The following NAV3 variants were observed in gnomAD, a reference collection of about 807,000 sequenced individuals.
The protein encoded by NAV3 is pore membrane and/or filament interacting like protein 1.
NAV3 carries 87 observed loss-of-function variants against 244.7 expected under a neutral mutation model. The ratio of observed to expected loss-of-function variants is 0.36; its 90% CI spans 0.30 to 0.42. The LOEUF (loss-of-function observed/expected upper bound fraction) is 0.42, where lower values mean the gene tolerates loss of function less well. NAV3 is among the 20% of genes least tolerant of loss of function. The probability of loss-of-function intolerance (pLI) is 1.00; values close to 1 mark genes in which losing one functional copy is unlikely to be tolerated. For synonymous variants in NAV3, 1,126 were observed against 1,042.2 expected, an observed-to-expected ratio of 1.08 and a Z score of -1.55; for missense variants, 2,663 against 2,893.3, an observed-to-expected ratio of 0.92 and a Z score of 1.83.
At chr12:77,573,797 C>A (rs531723845) in intron 2 of NAV3, among the ~76,000 whole-genome samples, 1 of 152,264 alleles carries the variant, frequency 6.6e-6, no homozygotes, top group South Asian at 2.1e-4. Flanking sequence ...GATGGAGATG[C>A]TGCTTTTATG....
chr12:77,627,659 C>A (rs1592518277), intron 2 of NAV3, among the ~76,000 whole-genome samples: 4 of 152,198 alleles, frequency 2.6e-5, no homozygotes, highest in Admixed American at 2.6e-4. Flanking sequence ...AAATATGATC[C>A]AGCAATTCCA....
chr12:77,998,665 A>G (rs755324163), intron 7 of NAV3, among the ~76,000 whole-genome samples, 189 bp downstream of exon 7: 5 of 152,120 alleles, frequency 3.3e-5, no homozygotes, highest in Non-Finnish European at 5.9e-5. Context: ...AAACAAATAA[A>G]CTCATTCATT....
intron 8 of NAV3, among the ~76,000 whole-genome samples, chr12:78,020,561 T>G (rs975288069): frequency 1.3e-5 from 2 of 152,152 alleles, no homozygotes; most frequent in Non-Finnish European, 2.9e-5. Context: ...AATTCACATA[T>G]ATAACACATA....
At chr12:78,153,783 C>T (rs1957166729) in intron 22 of NAV3, among the ~76,000 whole-genome samples, 1 of 151,934 alleles carries the variant, frequency 6.6e-6, no homozygotes, top group Admixed American at 6.6e-5. Context: ...TTGTGTTCTA[C>T]TTCTTTGCTT....
intron 5 of NAV3, among the ~76,000 whole-genome samples, chr12:77,985,527 C>T (rs975152235): frequency 6.6e-6 from 1 of 151,894 alleles, no homozygotes; most frequent in African/African-American, 2.4e-5. Context: ...GGATTAGTCA[C>T]TTCTGAATAT....
In NAV3 at chr12:78,160,985, T is replaced by C. The variant is rs538950192; in HGVS notation, c.4869+1699T>C. Among the ~76,000 whole-genome samples the C allele has an allele frequency of 3.7e-4, 56 of 152,038 alleles. No homozygotes were observed. The South Asian group carries it at 0.011, about 31-fold the overall frequency. On this transcript the variant is annotated intron_variant, in intron 23 of 39. Coordinates refer to ENST00000397909, the MANE Select transcript of NAV3 (RefSeq NM_001024383.2). ...CCCCTCTGTCTCCCTCTCTTTCTTT[T>C]TTGCTGCAGCTTGTCACTTCACTAT...
chr12:77,681,166 A>C (rs146373070), intron 2 of NAV3, among the ~76,000 whole-genome samples: 39 of 152,274 alleles, frequency 2.6e-4, no homozygotes, highest in African/African-American at 9.4e-4. Flanking sequence ...AATTTTGAAA[A>C]GATTTCAGTC....
intron 1 of NAV3, among the ~76,000 whole-genome samples, chr12:77,859,119 C>A (rs1878823814): frequency 6.6e-6 from 1 of 152,012 alleles, no homozygotes; most frequent in Non-Finnish European, 1.5e-5. Context: ...GTCAGCCCAG[C>A]AAAGAATGAG....
rs2139851449 is a variant in NAV3, at chr12:78,188,648, C to T, written c.5926C>T (p.Leu1976=). The T allele has an allele frequency of 1.2e-6, 2 of 1,612,044 alleles. No homozygotes were observed. The highest frequency in any genetic ancestry group is 1.7e-6 in the Non-Finnish European group (2 of 1,178,850). ...FRIDTSTSLG[L]SSDCIASYCI... Reference sequence around the variant, plus strand: ...AATTGATACATCCACTAGCCTTGGTCTGAGCTCTGACTGCATTGCTAGCTA... The same window carrying T: ...AATTGATACATCCACTAGCCTTGGTTTGAGCTCTGACTGCATTGCTAGCTA... Residue 1976 remains leucine, a synonymous_variant, in exon 33 of 40, where the codon CTG becomes TTG. Coordinates refer to ENST00000397909, the MANE Select transcript of NAV3 (RefSeq NM_001024383.2).
chr12:77,649,466 TA>T (rs1171676791), intron 2 of NAV3, among the ~76,000 whole-genome samples: 2 of 152,180 alleles, frequency 1.3e-5, no homozygotes, highest in Non-Finnish European at 2.9e-5. Flanking sequence ...TTAAAAGGCA[TA>T]AATTAGCACA....
At chr12:78,101,828 T>G (rs1046301521) in intron 12 of NAV3, among the ~76,000 whole-genome samples, 31 of 152,200 alleles carry the variant, frequency 2.0e-4, no homozygotes, top group Non-Finnish European at 3.5e-4. Flanking sequence ...AACATTTTGA[T>G]ACTAAAACCC....
chr12:77,841,631 T>C (rs755113184), intron 1 of NAV3, among the ~76,000 whole-genome samples: 2 of 152,196 alleles, frequency 1.3e-5, no homozygotes, highest in Non-Finnish European at 2.9e-5. Flanking sequence ...GCCCTGATGC[T>C]GGTTTATGCA....
At chr12:77,659,227 A>G (rs1873299243) in intron 2 of NAV3, among the ~76,000 whole-genome samples, 1 of 151,680 alleles carries the variant, frequency 6.6e-6, no homozygotes, top group Admixed American at 6.6e-5. Context: ...AAGGGCTAAT[A>G]TCCAGAATCT....
chr12:77,765,062 A>G (rs1565804406), intron 2 of NAV3, among the ~76,000 whole-genome samples: 2 of 152,234 alleles, frequency 1.3e-5, no homozygotes, highest in Non-Finnish European at 2.9e-5. Context: ...TGGAAAGGGG[A>G]AGTCCCCAGA....
chr12:78,192,749 C>T (rs1201398166), intron 34 of NAV3, among the ~76,000 whole-genome samples: 2 of 151,936 alleles, frequency 1.3e-5, no homozygotes, highest in Non-Finnish European at 2.9e-5. Flanking sequence ...AGCATTCATT[C>T]CCAAGAAAAC....
chr12:77,712,304 A>G (rs1206867152), intron 2 of NAV3, among the ~76,000 whole-genome samples: 1 of 152,172 alleles, frequency 6.6e-6, no homozygotes, highest in Non-Finnish European at 1.5e-5. Flanking sequence ...GGAGGATATC[A>G]TTCTATATTT....
intron 1 of NAV3, among the ~76,000 whole-genome samples, chr12:77,922,350 A>G (rs999186224): frequency 2.0e-5 from 3 of 151,944 alleles, no homozygotes; most frequent in African/African-American, 4.8e-5. Context: ...ATCTCCTAAC[A>G]GCTTTTCGGG....
intron 2 of NAV3, among the ~76,000 whole-genome samples, chr12:77,683,692 A>C (rs757843832): frequency 6.6e-6 from 1 of 152,196 alleles, no homozygotes; most frequent in Non-Finnish European, 1.5e-5. Context: ...AATGGGTTAC[A>C]CAGTAGGTGT....
intron 12 of NAV3, among the ~76,000 whole-genome samples, chr12:78,105,537 ACTTTT>A (rs1954757511): frequency 6.6e-6 from 1 of 151,916 alleles, no homozygotes. Context: ...GATATTTGAA[ACTTTT>A]CTTAGTGAAT....
Sources: gnomAD v4.1 joint callset for allele counts (sites outside exome capture counted in the v4.1 genomes callset) on GRCh38, gnomAD v4.1.1 for gene constraint, MANE v1.5 for transcripts, NCBI Gene and HGNC (gene_info 2026-07-23, HGNC 2026-07-21) for gene names.